Variants in RUNX1 observed in about 807,000 individuals in gnomAD.
RUNX1 encodes the protein runt-related transcription factor 1.
In RUNX1, 19 loss-of-function variants were observed where a neutral mutation model predicts 42.8. The ratio of observed to expected loss-of-function variants is 0.44; its 90% CI spans 0.31 to 0.65. The LOEUF is 0.65. Among genes scored for constraint, RUNX1 ranks in the 30% least tolerant of loss-of-function variants. RUNX1 has a pLI of 0.07. For synonymous variants in RUNX1, 271 were observed against 289.4 expected, an observed-to-expected ratio of 0.94 and a Z score of 0.64; for missense variants, 528 against 672.0, an observed-to-expected ratio of 0.79 and a Z score of 2.37.
chr21:35,011,659 A>G (rs1474129243), intron 2 of RUNX1, among the ~76,000 whole-genome samples: 1 of 152,216 alleles, frequency 6.6e-6, no homozygotes, highest in Non-Finnish European at 1.5e-5. Context: ...GTCAAGTGGA[A>G]TTGATCCCAT....
At chr21:35,026,679 G>A (rs1177447043) in intron 2 of RUNX1, among the ~76,000 whole-genome samples, 2 of 152,222 alleles carry the variant, frequency 1.3e-5, no homozygotes, top group Non-Finnish European at 2.9e-5. Flanking sequence ...ATCCGCCCGG[G>A]GACTTGTTGG....
intron 2 of RUNX1, among the ~76,000 whole-genome samples, chr21:34,979,247 T>G (rs952179676): frequency 1.3e-5 from 2 of 152,158 alleles, no homozygotes; most frequent in African/African-American, 4.8e-5. Flanking sequence ...TTCATAGATA[T>G]ATGCTCCAAG....
At chr21:34,913,779 C>T (rs1308509789) in intron 2 of RUNX1, among the ~76,000 whole-genome samples, 3 of 152,100 alleles carry the variant, frequency 2.0e-5, no homozygotes, top group South Asian at 2.1e-4. Context: ...TACACTGACA[C>T]GAAGTTGTGT....
chr21:34,973,390 T>C (rs2058776820), intron 2 of RUNX1, among the ~76,000 whole-genome samples: 1 of 152,230 alleles, frequency 6.6e-6, no homozygotes, highest in African/African-American at 2.4e-5. Context: ...CTGACCTGGA[T>C]TGGACAAGTC....
intron 7 of RUNX1, among the ~76,000 whole-genome samples, chr21:34,815,588 T>C (rs2056814405): frequency 6.6e-6 from 1 of 152,044 alleles, no homozygotes; most frequent in African/African-American, 2.4e-5. Context: ...TCAGAAGTGC[T>C]GGAACCAAGA....
At chr21:34,941,127 A>G (rs2058523511) in intron 2 of RUNX1, among the ~76,000 whole-genome samples, 1 of 152,232 alleles carries the variant, frequency 6.6e-6, no homozygotes, top group African/African-American at 2.4e-5. Flanking sequence ...TGTGTGAACA[A>G]CAAGAATATC....
chr21:34,942,892 G>C (rs961648428), intron 2 of RUNX1, among the ~76,000 whole-genome samples: 2 of 152,210 alleles, frequency 1.3e-5, no homozygotes, highest in African/African-American at 4.8e-5. Context: ...CAGGTTGAAG[G>C]AAAGTTTCCC....
intron 2 of RUNX1, among the ~76,000 whole-genome samples, chr21:34,991,575 GGTGA>G (rs1318660808): frequency 1.3e-5 from 2 of 151,840 alleles, no homozygotes; most frequent in African/African-American, 4.8e-5. Flanking sequence ...TGATGATGAT[GGTGA>G]TGATGACTGT....
chr21:34,940,009 G>C (rs2058514822), intron 2 of RUNX1, among the ~76,000 whole-genome samples: 1 of 152,156 alleles, frequency 6.6e-6, no homozygotes, highest in Admixed American at 6.5e-5. Context: ...CAATGATGAG[G>C]CTGGAGCATT....
intron 2 of RUNX1, among the ~76,000 whole-genome samples, chr21:35,004,155 A>T (rs2059066994): frequency 6.6e-6 from 1 of 152,234 alleles, no homozygotes; most frequent in African/African-American, 2.4e-5. Flanking sequence ...TTGGAAATAC[A>T]GAACTGTGGT....
chr21:34,793,835 C>G (rs2056486499), intron 8 of RUNX1, among the ~76,000 whole-genome samples: 1 of 151,932 alleles, frequency 6.6e-6, no homozygotes, highest in African/African-American at 2.4e-5. Context: ...TCCCGAGTAG[C>G]TGGGATTACA....
chr21:34,988,906 C>G (rs1177753143), intron 2 of RUNX1, among the ~76,000 whole-genome samples: 1 of 152,146 alleles, frequency 6.6e-6, no homozygotes, highest in African/African-American at 2.4e-5. Context: ...GAGGCCCCCA[C>G]ATCCTCAAAG....
At chr21:34,888,775 G>C in intron 3 of RUNX1, 1 of 807,984 alleles carries the variant, frequency 1.2e-6, no homozygotes, top group Non-Finnish European at 1.5e-6. Flanking sequence ...GCATAGGGGC[G>C]GCCGGCGGCC....
At chr21:34,796,321 G>C (rs1426230153) in intron 8 of RUNX1, among the ~76,000 whole-genome samples, 1 of 151,964 alleles carries the variant, frequency 6.6e-6, no homozygotes, top group East Asian at 1.9e-4. Context: ...AATATCTTAG[G>C]CCTTCTAGAT....
At chr21:34,987,318 A>C (rs970884238) in intron 2 of RUNX1, among the ~76,000 whole-genome samples, 2 of 152,194 alleles carry the variant, frequency 1.3e-5, no homozygotes. Flanking sequence ...TGCTGAGGAA[A>C]GCCAGACATT....
chr21:34,860,870 C>T (rs924120865), intron 5 of RUNX1, among the ~76,000 whole-genome samples: 5 of 152,288 alleles, frequency 3.3e-5, no homozygotes, highest in African/African-American at 4.8e-5. Flanking sequence ...GATTCCTAAT[C>T]GTGAGAAATC....
At chr21:34,993,213 A>G (rs370683213) in intron 2 of RUNX1, among the ~76,000 whole-genome samples, 11 of 152,190 alleles carry the variant, frequency 7.2e-5, no homozygotes. Context: ...AAGTTTCCCA[A>G]TCTAATCTAT....
At chr21:34,829,326 A>G (rs556908240) in intron 7 of RUNX1, among the ~76,000 whole-genome samples, 17 of 152,360 alleles carry the variant, frequency 1.1e-4, no homozygotes, top group Admixed American at 1.1e-3. Flanking sequence ...CTACATATTT[A>G]CAAGCATAAG....
chr21:34,896,647 C>T (rs920284827), intron 2 of RUNX1, among the ~76,000 whole-genome samples: 1 of 152,046 alleles, frequency 6.6e-6, no homozygotes, highest in Non-Finnish European at 1.5e-5. Flanking sequence ...TGTGCCATTG[C>T]ACTCCAGCCT....
Sources: gnomAD v4.1 joint callset for allele counts (sites outside exome capture counted in the v4.1 genomes callset) on GRCh38, gnomAD v4.1.1 for gene constraint, MANE v1.5 for transcripts, NCBI Gene and HGNC (gene_info 2026-07-23, HGNC 2026-07-21) for gene names.